Variants in SCLT1 observed in about 807,000 individuals in gnomAD.
SCLT1 encodes sodium channel and clathrin linker 1.
Under a neutral mutation model 112.8 loss-of-function variants are expected in SCLT1, and 78 were observed. The ratio of observed to expected loss-of-function variants is 0.69; its 90% CI spans 0.58 to 0.83. The LOEUF is 0.83. Among genes scored for constraint, SCLT1 ranks in the 40% least tolerant of loss-of-function variants. SCLT1 has a pLI of 0.00. For missense variants in SCLT1, 747 were observed against 770.4 expected (o/e 0.97, Z 0.36); for synonymous variants, 257 against 254.7 (o/e 1.01, Z -0.09).
chr4:128,948,368 AAG>A, intron 15 of SCLT1, 126 bp downstream of exon 15: 1 of 1,110,050 alleles, frequency 9.0e-7, no homozygotes, highest in South Asian at 2.4e-5. Flanking sequence ...AAGAAAAGAA[AAG>A]AAAAACTTAC....
At chr4:128,926,301 A>G (rs1420145438) in intron 18 of SCLT1, among the ~76,000 whole-genome samples, 1 of 152,042 alleles carries the variant, frequency 6.6e-6, no homozygotes, top group Non-Finnish European at 1.5e-5. Flanking sequence ...TCTTTATTGT[A>G]TACTCTGGGT....
chr4:129,033,985 C>T (rs1044476435), intron 5 of SCLT1, among the ~76,000 whole-genome samples: 3 of 152,116 alleles, frequency 2.0e-5, no homozygotes, highest in African/African-American at 7.2e-5. Flanking sequence ...GAATGCTTTT[C>T]TTCACAGTAT....
intron 2 of SCLT1, among the ~76,000 whole-genome samples, chr4:129,054,005 G>A (rs975297052): frequency 7.9e-5 from 12 of 151,910 alleles, no homozygotes; most frequent in African/African-American, 2.7e-4. Flanking sequence ...TTTCTCCTTC[G>A]CTTATGAAGT....
At chr4:129,024,382 G>A (rs944540044) in intron 5 of SCLT1, among the ~76,000 whole-genome samples, 3 of 152,116 alleles carry the variant, frequency 2.0e-5, no homozygotes, top group Admixed American at 6.5e-5. Context: ...AGCAGCATTC[G>A]CGATTCACGA....
intron 18 of SCLT1, among the ~76,000 whole-genome samples, chr4:128,892,442 G>A (rs898110615): frequency 5.9e-5 from 9 of 152,116 alleles, no homozygotes; most frequent in Non-Finnish European, 1.5e-5. Context: ...TTCAGTATTG[G>A]CTTTTATCCT....
rs764468057 is a variant in SCLT1 at position 129,043,469 on chromosome 4, T to C, written c.162-2A>G. On this transcript the variant is annotated splice_acceptor_variant, in intron 3 of 20. Coordinates refer to ENST00000281142, the MANE Select transcript of SCLT1 (RefSeq NM_144643.4). LOFTEE classifies it high-confidence loss of function. ...TCAGTAACAAGAGGAGCTAAAAAGC[T>C]AAAAAAAGACAATAAAAATATAGCA... 6 of 1,415,138 alleles carry C rather than the reference T, an allele frequency of 4.2e-6. No homozygotes were observed. The highest frequency in any genetic ancestry group is 5.9e-6 in the Non-Finnish European group (6 of 1,018,454). 87.7% of individuals were successfully genotyped at this position (1,415,138 alleles called of 1,614,324 possible). A position where few individuals can be genotyped will look rare whatever the true frequency, so the allele number is the denominator to read the frequency against.
intron 6 of SCLT1, among the ~76,000 whole-genome samples, 184 bp downstream of exon 6, chr4:129,003,557 A>C (rs1318517921): frequency 6.6e-6 from 1 of 152,110 alleles, no homozygotes; most frequent in Non-Finnish European, 1.5e-5. Context: ...GGTATTTGGC[A>C]AGTACGTTTC....
chr4:128,947,896 G>A (rs535652811), intron 15 of SCLT1, among the ~76,000 whole-genome samples: 26 of 152,182 alleles, frequency 1.7e-4, no homozygotes, highest in African/African-American at 5.5e-4. Context: ...AGCACCATAA[G>A]AGCTAAAATA....
intron 2 of SCLT1, among the ~76,000 whole-genome samples, chr4:129,063,818 GA>G (rs2125737969): frequency 6.6e-6 from 1 of 152,286 alleles, no homozygotes; most frequent in Admixed American, 6.5e-5. Context: ...TATTCTGGGT[GA>G]GTCAAAAAGA....
intron 5 of SCLT1, among the ~76,000 whole-genome samples, chr4:129,023,462 C>T (rs1745681142): frequency 6.6e-6 from 1 of 152,014 alleles, no homozygotes. Context: ...ATTTACCAAG[C>T]AAATGAAAAG....
chr4:128,896,427 C>T (rs1733764251), intron 18 of SCLT1, among the ~76,000 whole-genome samples: 2 of 152,140 alleles, frequency 1.3e-5, no homozygotes, highest in Non-Finnish European at 2.9e-5. Flanking sequence ...CTGGAGTGGA[C>T]CTCCAGCAAA....
At chr4:129,089,279 G>A (rs990179752) in intron 1 of SCLT1, among the ~76,000 whole-genome samples, 2 of 152,228 alleles carry the variant, frequency 1.3e-5, no homozygotes, top group African/African-American at 4.8e-5. Flanking sequence ...CTGGTTATTA[G>A]AGAAATGCAA....
intron 2 of SCLT1, among the ~76,000 whole-genome samples, chr4:129,049,927 C>T (rs906898977): frequency 2.6e-5 from 4 of 152,046 alleles, no homozygotes; most frequent in African/African-American, 9.7e-5. Flanking sequence ...GTGTGATGTT[C>T]CCCTCCTTGT....
chr4:128,989,720 CA>C (rs201695713), intron 9 of SCLT1, among the ~76,000 whole-genome samples: 4 of 145,456 alleles, frequency 2.7e-5, no homozygotes, highest in Admixed American at 6.8e-5. Context: ...TTAGCCAATC[CA>C]AAAAAAAATA....
intron 5 of SCLT1, among the ~76,000 whole-genome samples, chr4:129,005,555 T>TGG (rs1743922381): frequency 1.3e-5 from 2 of 152,164 alleles, no homozygotes; most frequent in South Asian, 2.1e-4. Context: ...GGAACACCTT[T>TGG]ACACTGTTGG....
chr4:129,092,956 C>A, intron 1 of SCLT1, 114 bp downstream of exon 1: 1 of 807,978 alleles, frequency 1.2e-6, no homozygotes, highest in Non-Finnish European at 2.1e-6. Flanking sequence ...CAACTAACTT[C>A]TTTAACTCTT....
chr4:129,021,294 GT>G (rs1195656115), intron 5 of SCLT1, among the ~76,000 whole-genome samples: 1 of 152,136 alleles, frequency 6.6e-6, no homozygotes, highest in Non-Finnish European at 1.5e-5. Context: ...ACAAAACTGT[GT>G]GGCTGTTTCA....
At chr4:128,934,183 C>T (rs758488020) in intron 18 of SCLT1, among the ~76,000 whole-genome samples, 2 of 151,752 alleles carry the variant, frequency 1.3e-5, no homozygotes, top group South Asian at 4.2e-4. Flanking sequence ...CATTCTGTCC[C>T]GCTCTCTCCT....
chr4:129,043,763 A>C (rs2125699482), intron 3 of SCLT1, among the ~76,000 whole-genome samples: 1 of 152,278 alleles, frequency 6.6e-6, no homozygotes, highest in East Asian at 1.9e-4. Context: ...TGACAAACAA[A>C]AATGTTTCTA....
Sources: gnomAD v4.1 joint callset for allele counts (sites outside exome capture counted in the v4.1 genomes callset) on GRCh38, gnomAD v4.1.1 for gene constraint, MANE v1.5 for transcripts, NCBI Gene and HGNC (gene_info 2026-07-23, HGNC 2026-07-21) for gene names.